The following CSGALNACT1 variants were observed in gnomAD, a reference collection of about 807,000 sequenced individuals.
CSGALNACT1 encodes beta4GalNAcT-1.
In CSGALNACT1, 52 loss-of-function variants were observed where a neutral mutation model predicts 51.0. The observed-to-expected ratio is 1.02, with a 90% CI of 0.82 to 1.29. CSGALNACT1 has a LOEUF of 1.29. Among genes scored for constraint, CSGALNACT1 ranks in the 50% most tolerant of loss-of-function variants. CSGALNACT1 has a pLI of 0.00. For missense variants in CSGALNACT1, 935 were observed against 679.2 expected (o/e 1.38, Z -4.19); for synonymous variants, 341 against 254.4 (o/e 1.34, Z -3.24).
intron 3 of CSGALNACT1, among the ~76,000 whole-genome samples, chr8:19,553,966 T>C (rs1755524962): frequency 6.6e-6 from 1 of 151,524 alleles, no homozygotes. Flanking sequence ...CCTGAAGATA[T>C]CTTTCAGAAT....
At chr8:19,723,626 C>G (rs2063243044) in intron 1 of CSGALNACT1, among the ~76,000 whole-genome samples, 1 of 152,224 alleles carries the variant, frequency 6.6e-6, no homozygotes, top group South Asian at 2.1e-4. Context: ...GGTTTGCTTT[C>G]TGGTACAAGG....
intron 1 of CSGALNACT1, among the ~76,000 whole-genome samples, chr8:19,667,308 G>A (rs1038923638): frequency 6.6e-6 from 1 of 151,484 alleles, no homozygotes; most frequent in Non-Finnish European, 1.5e-5. Flanking sequence ...TGTGGCACAT[G>A]CCCCTCATTC....
chr8:19,546,830 C>A (rs1474945108), intron 3 of CSGALNACT1, among the ~76,000 whole-genome samples: 1 of 152,214 alleles, frequency 6.6e-6, no homozygotes, highest in Non-Finnish European at 1.5e-5. Context: ...CTAGACCAAG[C>A]TCAGATCCTG....
exon 10 of CSGALNACT1, chr8:19,405,801 C>T: frequency 1.9e-6 from 3 of 1,614,138 alleles, no homozygotes; most frequent in Non-Finnish European, 2.5e-6. Flanking sequence ...TGCTACTTGT[C>T]TTCTGTTTCT....
intron 5 of CSGALNACT1, among the ~76,000 whole-genome samples, chr8:19,449,856 GC>G (rs1223961513): frequency 6.6e-6 from 1 of 151,610 alleles, no homozygotes; most frequent in Admixed American, 6.6e-5. Context: ...TAAAAATTCT[GC>G]CTTTTTCCCC....
At chr8:19,553,506 C>G (rs958946769) in intron 3 of CSGALNACT1, among the ~76,000 whole-genome samples, 2 of 151,272 alleles carry the variant, frequency 1.3e-5, no homozygotes, top group African/African-American at 2.4e-5. Flanking sequence ...TCACTCAAAA[C>G]AAAGCCTGCC....
chr8:19,658,691 G>C (rs907220852), intron 1 of CSGALNACT1, among the ~76,000 whole-genome samples: 4 of 152,032 alleles, frequency 2.6e-5, no homozygotes, highest in African/African-American at 9.7e-5. Context: ...CTGAGATCGC[G>C]ACACTGCACT....
At chr8:19,734,456 C>T (rs977263221) in intron 1 of CSGALNACT1, among the ~76,000 whole-genome samples, 30 of 152,330 alleles carry the variant, frequency 2.0e-4, no homozygotes, top group African/African-American at 7.2e-4. Context: ...TCAAGCTGTG[C>T]CTATACTTCC....
chr8:19,637,366 C>G (rs2056209940), intron 1 of CSGALNACT1, among the ~76,000 whole-genome samples: 1 of 152,168 alleles, frequency 6.6e-6, no homozygotes, highest in Non-Finnish European at 1.5e-5. Flanking sequence ...AGCAATCATT[C>G]TTTTTTATTT....
intron 1 of CSGALNACT1, among the ~76,000 whole-genome samples, chr8:19,674,257 C>A (rs76071841): frequency 3.3e-5 from 5 of 151,976 alleles, no homozygotes; most frequent in Non-Finnish European, 5.9e-5. Flanking sequence ...AGTGCCACTG[C>A]GCTCCAGCCT....
intron 1 of CSGALNACT1, among the ~76,000 whole-genome samples, chr8:19,644,781 A>T (rs2057107703): frequency 6.6e-6 from 1 of 152,002 alleles, no homozygotes. Flanking sequence ...GCTTCTTCTA[A>T]ACCAGAATTA....
intron 6 of CSGALNACT1, among the ~76,000 whole-genome samples, chr8:19,424,342 T>C (rs1449883983): frequency 6.6e-6 from 1 of 152,100 alleles, no homozygotes; most frequent in Non-Finnish European, 1.5e-5. Context: ...GGATGAATAA[T>C]GGTACAATTT....
chr8:19,709,018 G>T (rs1220381165), intron 1 of CSGALNACT1, among the ~76,000 whole-genome samples: 1 of 152,162 alleles, frequency 6.6e-6, no homozygotes, highest in Admixed American at 6.5e-5. Flanking sequence ...GTACATGAAT[G>T]TACCTTAAAG....
chr8:19,587,020 G>T (rs1159131016), intron 3 of CSGALNACT1, among the ~76,000 whole-genome samples: 2 of 152,154 alleles, frequency 1.3e-5, no homozygotes, highest in African/African-American at 4.8e-5. Context: ...AGGTTTCCTG[G>T]AAGGTCAGTA....
At chr8:19,754,130 C>T (rs186191275) in intron 1 of CSGALNACT1, among the ~76,000 whole-genome samples, 130 of 152,082 alleles carry the variant, frequency 8.5e-4, no homozygotes, top group African/African-American at 3.0e-3. Context: ...CTGGTTCAGG[C>T]GATTCTCCTG....
chr8:19,613,318 A>G (rs922260304), intron 1 of CSGALNACT1, among the ~76,000 whole-genome samples: 4 of 152,202 alleles, frequency 2.6e-5, no homozygotes, highest in African/African-American at 9.6e-5. Flanking sequence ...TTTAGCAATT[A>G]TTCTATGATA....
intron 6 of CSGALNACT1, among the ~76,000 whole-genome samples, chr8:19,433,242 T>C (rs976329747): frequency 6.6e-6 from 1 of 152,188 alleles, no homozygotes; most frequent in South Asian, 2.1e-4. Context: ...TGTTTGCATA[T>C]TGGGATACAC....
At chr8:19,648,586 TTG>T in intron 1 of CSGALNACT1, among the ~76,000 whole-genome samples, 2 of 152,232 alleles carry the variant, frequency 1.3e-5, no homozygotes, top group Non-Finnish European at 2.9e-5. Flanking sequence ...GGCAGGAGGA[TTG>T]CCTGAGCCCA....
At chr8:19,495,460 A>G (rs1472981664) in intron 4 of CSGALNACT1, among the ~76,000 whole-genome samples, 4 of 152,208 alleles carry the variant, frequency 2.6e-5, no homozygotes, top group Admixed American at 2.6e-4. Flanking sequence ...GCATTGATCC[A>G]GGGATGTAAC....
Sources: allele counts gnomAD v4.1 joint callset (sites outside exome capture counted in the v4.1 genomes callset), GRCh38; gene constraint gnomAD v4.1.1; transcripts MANE v1.5; gene names NCBI Gene and HGNC (gene_info 2026-07-23, HGNC 2026-07-21).